The following SKP2 variants were observed in gnomAD, a reference collection of about 807,000 sequenced individuals.
The protein encoded by SKP2 is S-phase kinase associated protein 2.
In SKP2, 16 loss-of-function variants were observed where a neutral mutation model predicts 51.8. That is an observed-to-expected ratio of 0.31 (90% CI 0.21 to 0.47). The LOEUF (loss-of-function observed/expected upper bound fraction) is 0.47. Among genes scored for constraint, SKP2 ranks in the 20% least tolerant of loss-of-function variants. The pLI is 1.00. For synonymous variants in SKP2, 176 were observed against 198.6 expected, an observed-to-expected ratio of 0.89 and a Z score of 0.96; for missense variants, 377 against 505.3, an observed-to-expected ratio of 0.75 and a Z score of 2.43.
At chr5:36,185,680 G>T (rs1209599127), downstream of SKP2, among the ~76,000 whole-genome samples, 16 of 152,290 alleles carry the variant, frequency 1.1e-4, 2 homozygotes, top group Middle Eastern at 0.027. Flanking sequence ...TTGAAGTCAG[G>T]TAGCATGATG....
intron 6 of SKP2, among the ~76,000 whole-genome samples, chr5:36,190,303 G>C (rs950853804): frequency 6.6e-6 from 1 of 152,110 alleles, no homozygotes; most frequent in Non-Finnish European, 1.5e-5. Flanking sequence ...CCCGTATTCT[G>C]CGTCGCTCAC....
chr5:36,155,384 T>C (rs1744913472), intron 2 of SKP2, among the ~76,000 whole-genome samples: 3 of 152,236 alleles, frequency 2.0e-5, no homozygotes. Context: ...CTTGCGTTTA[T>C]CAGCCTTGGA....
intron 2 of SKP2, among the ~76,000 whole-genome samples, chr5:36,157,715 C>A (rs779081597): frequency 6.6e-6 from 1 of 152,156 alleles, no homozygotes; most frequent in Non-Finnish European, 1.5e-5. Context: ...CCTCAGTATA[C>A]ATTTCTGCAA....
intron 8 of SKP2, 73 bp from the exon 9 acceptor site, chr5:36,177,109 CAGT>C: frequency 7.7e-7 from 1 of 1,298,934 alleles, no homozygotes; most frequent in Non-Finnish European, 1.1e-6. Context: ...AGCAACTAAA[CAGT>C]AGGTTATTTC....
intron 2 of SKP2, among the ~76,000 whole-genome samples, chr5:36,163,330 G>C (rs1745184385): frequency 6.6e-6 from 1 of 152,200 alleles, no homozygotes; most frequent in South Asian, 2.1e-4. Flanking sequence ...GCTGGCTAGA[G>C]CTGAAGGGAA....
Position 36,169,906 on chromosome 5 carries a change from G to T in SKP2, c.672-438G>T, listed in dbSNP as rs375354417. On this transcript the variant is annotated intron_variant, in intron 5 of 9. Coordinates refer to ENST00000274255, the MANE Select transcript of SKP2 (RefSeq NM_005983.4). ...TAATCACTAAGTTTTACTAACACAGGGCATTTGGGGATGTATTAGAGAAGA... is the reference window on the plus strand; with the variant it reads ...TAATCACTAAGTTTTACTAACACAGTGCATTTGGGGATGTATTAGAGAAGA... Among the ~76,000 whole-genome samples, 222 of 152,202 alleles carry T rather than the reference G, an allele frequency of 1.5e-3. 1 individual carries two copies. The highest frequency in any genetic ancestry group is 5.0e-3 in the African/African-American group (207 of 41,522).
chr5:36,186,478 G>A (rs1260442428), downstream of SKP2, among the ~76,000 whole-genome samples: 1 of 152,138 alleles, frequency 6.6e-6, no homozygotes, highest in Non-Finnish European at 1.5e-5. Flanking sequence ...TTTGTCAAAG[G>A]CCTTTTCTGC....
intron 2 of SKP2, among the ~76,000 whole-genome samples, chr5:36,157,597 G>A (rs1285440620): frequency 6.6e-6 from 1 of 152,134 alleles, no homozygotes; most frequent in Non-Finnish European, 1.5e-5. Context: ...AAGAAAGCAT[G>A]GGGTATTGCT....
intron 3 of SKP2, among the ~76,000 whole-genome samples, chr5:36,164,887 T>A (rs1231834061): frequency 5.3e-5 from 8 of 152,266 alleles, no homozygotes; most frequent in African/African-American, 1.9e-4. Context: ...ATTCATTATC[T>A]CACATAGTTA....
chr5:36,173,839 A>G (rs1011012563), intron 7 of SKP2, among the ~76,000 whole-genome samples: 1 of 152,130 alleles, frequency 6.6e-6, no homozygotes, highest in Non-Finnish European at 1.5e-5. Context: ...ATGAGATAAT[A>G]TGGATTTGGT....
chr5:36,192,312 A>T (rs1329015815), intron 6 of SKP2, among the ~76,000 whole-genome samples: 3 of 152,070 alleles, frequency 2.0e-5, no homozygotes, highest in Admixed American at 6.6e-5. Context: ...TATCTCCCCC[A>T]CCATTATATT....
At chr5:36,186,567 G>C (rs1169217482), downstream of SKP2, among the ~76,000 whole-genome samples, 6 of 152,106 alleles carry the variant, frequency 3.9e-5, no homozygotes, top group Non-Finnish European at 8.8e-5. Context: ...TGCATATGTT[G>C]AACCAGCCTT....
intron 5 of SKP2, 52 bp downstream of exon 5, chr5:36,168,499 T>C: frequency 6.3e-7 from 1 of 1,584,724 alleles, no homozygotes; most frequent in Non-Finnish European, 8.7e-7. Flanking sequence ...GTGTATGAAT[T>C]TTTTTCCCTG....
Position 36,183,407 on chromosome 5 carries a change from C to T in SKP2, c.*1376C>T, listed in dbSNP as rs1284942501. The T allele has an allele frequency of 8.5e-6, 2 of 234,560 alleles. No homozygotes were observed. The highest frequency in any genetic ancestry group is 1.4e-5 in the Non-Finnish European group (2 of 143,686). The allele number at this position is 234,560 out of a possible 1,614,324, so 14.5% of individuals were successfully genotyped here. Reference sequence around the variant, plus strand: ...TCAGCCTCCCGACTAGCTGGGACTACAGGCGCCCACCACCACGCCCGGCTA... The same window carrying T: ...TCAGCCTCCCGACTAGCTGGGACTATAGGCGCCCACCACCACGCCCGGCTA... On this transcript the variant is annotated 3_prime_UTR_variant, in exon 10 of 10. Transcript: ENST00000274255.
downstream of SKP2, among the ~76,000 whole-genome samples, chr5:36,186,356 T>C (rs908405665): frequency 6.6e-6 from 1 of 152,216 alleles, no homozygotes; most frequent in Admixed American, 6.5e-5. Context: ...TGCTTCCAGT[T>C]TTTGCCCATT....
chr5:36,189,713 T>C (rs1332206809), intron 6 of SKP2, among the ~76,000 whole-genome samples: 2 of 152,208 alleles, frequency 1.3e-5, no homozygotes, highest in African/African-American at 2.4e-5. Flanking sequence ...GATCTCAAAC[T>C]CTGTGCTGGG....
chr5:36,154,004 A>G (rs948804842), intron 2 of SKP2, among the ~76,000 whole-genome samples: 2 of 152,190 alleles, frequency 1.3e-5, no homozygotes, highest in African/African-American at 4.8e-5. Flanking sequence ...CAGGTGCTGG[A>G]GATAGAGGAG....
intron 2 of SKP2, among the ~76,000 whole-genome samples, chr5:36,155,799 A>G (rs1744927886): frequency 6.6e-6 from 1 of 152,172 alleles, no homozygotes; most frequent in African/African-American, 2.4e-5. Context: ...TGTGATTGCT[A>G]TATGCCCTTC....
At chr5:36,160,194 G>T (rs530205863) in intron 2 of SKP2, among the ~76,000 whole-genome samples, 22 of 152,336 alleles carry the variant, frequency 1.4e-4, no homozygotes, top group Middle Eastern at 3.4e-3. Flanking sequence ...AAACTGTGCT[G>T]CTTTCTCAGT....
Sources: allele counts gnomAD v4.1 joint callset (sites outside exome capture counted in the v4.1 genomes callset), GRCh38; gene constraint gnomAD v4.1.1; transcripts MANE v1.5; gene names NCBI Gene and HGNC (gene_info 2026-07-23, HGNC 2026-07-21).